Variants in DOCK3 observed in about 807,000 individuals in gnomAD.
DOCK3 encodes the protein dedicator of cytokinesis 3, also known as dedicator of cytokinesis protein 3.
DOCK3 carries 60 observed loss-of-function variants against 265.6 expected under a neutral mutation model. That is an observed-to-expected ratio of 0.23 (90% confidence interval 0.18 to 0.28). The LOEUF (loss-of-function observed/expected upper bound fraction) is 0.28, where lower values mean the gene tolerates loss of function less well. Ranked by LOEUF, DOCK3 falls within the 10% of genes least tolerant of loss-of-function variation. The pLI is 1.00. For missense variants in DOCK3, 1,981 were observed against 2,594.3 expected (o/e 0.76, Z 5.14); for synonymous variants, 881 against 938.0 (o/e 0.94, Z 1.11).
intron 1 of DOCK3, among the ~76,000 whole-genome samples, chr3:50,760,583 A>G (rs2040463724): frequency 6.6e-6 from 1 of 152,180 alleles, no homozygotes; most frequent in South Asian, 2.1e-4. Flanking sequence ...TGTTTTGAGC[A>G]TGTTTAAAAT....
intron 5 of DOCK3, among the ~76,000 whole-genome samples, chr3:50,981,490 G>A (rs1343431606): frequency 6.6e-6 from 1 of 152,160 alleles, no homozygotes; most frequent in African/African-American, 2.4e-5. Flanking sequence ...TAAATCCAAT[G>A]TTTCTTTGTT....
At chr3:50,704,710 C>A (rs2107846483) in intron 1 of DOCK3, among the ~76,000 whole-genome samples, 1 of 151,866 alleles carries the variant, frequency 6.6e-6, no homozygotes, top group African/African-American at 2.4e-5. Context: ...ACTGAAACCT[C>A]CCCTTCCTGG....
chr3:50,682,654 T>C (rs897868018), intron 1 of DOCK3, among the ~76,000 whole-genome samples: 1 of 152,206 alleles, frequency 6.6e-6, no homozygotes, highest in African/African-American at 2.4e-5. Context: ...AAATTCTTAT[T>C]TGGGCCAGGC....
intron 9 of DOCK3, among the ~76,000 whole-genome samples, chr3:51,120,306 A>G (rs1303963863): frequency 6.6e-6 from 1 of 152,188 alleles, no homozygotes; most frequent in East Asian, 1.9e-4. Context: ...GCTACAGAAC[A>G]GCAAAGATTG....
At chr3:50,708,150 G>C (rs1028718405) in intron 1 of DOCK3, among the ~76,000 whole-genome samples, 1 of 152,160 alleles carries the variant, frequency 6.6e-6, no homozygotes, top group Non-Finnish European at 1.5e-5. Flanking sequence ...GGTGGTGGTG[G>C]GCTATGTGGG....
chr3:50,991,890 T>C (rs1445976283), intron 5 of DOCK3, among the ~76,000 whole-genome samples: 2 of 152,174 alleles, frequency 1.3e-5, no homozygotes, highest in Non-Finnish European at 2.9e-5. Flanking sequence ...ATACCAAATA[T>C]ACTCTTCAAT....
At chr3:51,178,644 C>T (rs1041859905) in intron 12 of DOCK3, among the ~76,000 whole-genome samples, 2 of 152,058 alleles carry the variant, frequency 1.3e-5, no homozygotes, top group Non-Finnish European at 2.9e-5. Context: ...TTTTTCTTCA[C>T]AGGGATAGAA....
intron 12 of DOCK3, among the ~76,000 whole-genome samples, chr3:51,182,015 T>A (rs1008251535): frequency 3.3e-5 from 5 of 152,196 alleles, no homozygotes; most frequent in Non-Finnish European, 7.3e-5. Flanking sequence ...GTTAAAAAAA[T>A]TTTTTGTAGA....
At chr3:50,823,023 A>T (rs1236219650) in intron 2 of DOCK3, among the ~76,000 whole-genome samples, 1 of 152,202 alleles carries the variant, frequency 6.6e-6, no homozygotes, top group Non-Finnish European at 1.5e-5. Flanking sequence ...CAGAATACTT[A>T]GTATACATTT....
chr3:51,014,689 A>G (rs1441036014), intron 5 of DOCK3, among the ~76,000 whole-genome samples: 1 of 151,990 alleles, frequency 6.6e-6, no homozygotes, highest in Non-Finnish European at 1.5e-5. Context: ...TTCTGTGAAG[A>G]ATGTCATTGG....
chr3:51,239,783 G>A (rs1169948383), intron 21 of DOCK3, among the ~76,000 whole-genome samples: 1 of 151,908 alleles, frequency 6.6e-6, no homozygotes, highest in Non-Finnish European at 1.5e-5. Context: ...TTGTATTTCT[G>A]TGGGGTCAAA....
chr3:50,774,084 G>A (rs1264159153), intron 1 of DOCK3, among the ~76,000 whole-genome samples: 2 of 151,966 alleles, frequency 1.3e-5, no homozygotes, highest in East Asian at 3.8e-4. Flanking sequence ...CTTCAGCAGA[G>A]ATCAAATATA....
intron 3 of DOCK3, among the ~76,000 whole-genome samples, chr3:50,849,161 A>G (rs1285168345): frequency 1.3e-5 from 2 of 151,938 alleles, no homozygotes; most frequent in Admixed American, 6.6e-5. Flanking sequence ...TAGGCTTCTG[A>G]GAAGCTGGGA....
rs1357435420 is a variant in DOCK3 at position 51,047,863 on chromosome 3, G to A, written c.316-16585G>A. ...AACGCTTATAAAAAAACAGAAGGAG[G>A]AGCACTTCCAACTCATTTTATGAGG... On this transcript the variant is annotated intron_variant, in intron 5 of 52. Coordinates refer to ENST00000266037, the MANE Select transcript of DOCK3 (RefSeq NM_004947.5). Among the ~76,000 whole-genome samples the A allele has an allele frequency of 2.0e-5, 3 of 151,952 alleles. No individual in the cohort carries two copies. In the South Asian group the frequency reaches 6.2e-4, roughly 32 times the overall value.
chr3:50,851,851 C>T (rs927005418), intron 3 of DOCK3, among the ~76,000 whole-genome samples: 4 of 152,230 alleles, frequency 2.6e-5, no homozygotes, highest in Non-Finnish European at 5.9e-5. Flanking sequence ...ACTAAAATTC[C>T]TAGATGGTCA....
At chr3:51,207,558 GAT>G (rs1213899201) in intron 12 of DOCK3, among the ~76,000 whole-genome samples, 2 of 152,152 alleles carry the variant, frequency 1.3e-5, no homozygotes, top group East Asian at 1.9e-4. Flanking sequence ...GAGTAAATGA[GAT>G]ATATTTTTAT....
At chr3:50,885,283 C>G (rs1219826710) in intron 3 of DOCK3, among the ~76,000 whole-genome samples, 1 of 151,370 alleles carries the variant, frequency 6.6e-6, no homozygotes, top group East Asian at 1.9e-4. Context: ...GTTTGCTTAT[C>G]CATTCACCTG....
intron 27 of DOCK3, among the ~76,000 whole-genome samples, chr3:51,305,113 C>T (rs571627080): frequency 6.6e-6 from 1 of 152,090 alleles, no homozygotes; most frequent in Non-Finnish European, 1.5e-5. Context: ...TTTTTTATTT[C>T]TTTGCTGATC....
intron 7 of DOCK3, among the ~76,000 whole-genome samples, chr3:51,076,769 T>C (rs1020720994): frequency 1.3e-5 from 2 of 151,990 alleles, no homozygotes; most frequent in Non-Finnish European, 2.9e-5. Context: ...CTCTTAGAGG[T>C]AGTGACTGGT....
Sources: gnomAD v4.1 joint callset for allele counts (sites outside exome capture counted in the v4.1 genomes callset) on GRCh38, gnomAD v4.1.1 for gene constraint, MANE v1.5 for transcripts, NCBI Gene and HGNC (gene_info 2026-07-23, HGNC 2026-07-21) for gene names.